IMMP2L: variants seen among roughly 807,000 people sequenced by gnomAD.
The protein encoded by IMMP2L is inner mitochondrial membrane peptidase subunit 2.
In IMMP2L, 18 loss-of-function variants were observed where a neutral mutation model predicts 19.3. The ratio of observed to expected loss-of-function variants is 0.93; its 90% CI spans 0.64 to 1.38. The LOEUF (loss-of-function observed/expected upper bound fraction) is 1.38, where lower values mean the gene tolerates loss of function less well. IMMP2L is among the 40% of genes most tolerant of loss of function. IMMP2L has a pLI of 0.00. For missense variants in IMMP2L, 233 were observed against 218.2 expected, an observed-to-expected ratio of 1.07 and a Z score of -0.43; for synonymous variants, 76 against 73.0, an observed-to-expected ratio of 1.04 and a Z score of -0.21.
chr7:111,382,424 AAG>A (rs1320053755), intron 3 of IMMP2L, among the ~76,000 whole-genome samples: 1 of 152,074 alleles, frequency 6.6e-6, no homozygotes, highest in African/African-American at 2.4e-5. Flanking sequence ...TCCCAATGGT[AAG>A]AACAAGCAGG....
chr7:110,995,521 T>A (rs1184882511), intron 3 of IMMP2L, among the ~76,000 whole-genome samples: 1 of 152,166 alleles, frequency 6.6e-6, no homozygotes, highest in African/African-American at 2.4e-5. Context: ...ATTATTTTTA[T>A]GGAGTTTGGT....
intron 1 of IMMP2L, among the ~76,000 whole-genome samples, chr7:111,529,755 C>T (rs1258668576): frequency 6.6e-6 from 1 of 152,082 alleles, no homozygotes; most frequent in Non-Finnish European, 1.5e-5. Flanking sequence ...ATAATTGTGA[C>T]TTTCTGTTGG....
intron 3 of IMMP2L, among the ~76,000 whole-genome samples, chr7:110,988,934 A>G (rs2129559239): frequency 6.6e-6 from 1 of 152,228 alleles, no homozygotes; most frequent in South Asian, 2.1e-4. Flanking sequence ...GTCTGGAAAG[A>G]TAGACATTAA....
chr7:111,315,354 A>G (rs1479759605), intron 3 of IMMP2L, among the ~76,000 whole-genome samples: 1 of 152,084 alleles, frequency 6.6e-6, no homozygotes, highest in African/African-American at 2.4e-5. Flanking sequence ...TACATATGGT[A>G]CTTATGATAC....
intron 5 of IMMP2L, among the ~76,000 whole-genome samples, chr7:110,793,048 G>A (rs898612285): frequency 6.6e-6 from 1 of 152,066 alleles, no homozygotes; most frequent in Non-Finnish European, 1.5e-5. Flanking sequence ...GAAACAGAGA[G>A]AAGAATGGTG....
At chr7:110,821,569 TATG>T (rs1358076786) in intron 5 of IMMP2L, among the ~76,000 whole-genome samples, 2 of 152,066 alleles carry the variant, frequency 1.3e-5, no homozygotes, top group Non-Finnish European at 2.9e-5. Flanking sequence ...CCTAGACATT[TATG>T]ATATGTCATA....
intron 3 of IMMP2L, among the ~76,000 whole-genome samples, chr7:111,420,857 C>T (rs1010734551): frequency 1.3e-5 from 2 of 151,760 alleles, no homozygotes; most frequent in South Asian, 2.1e-4. Context: ...AATAGTGCTG[C>T]AATAAACATA....
At chr7:111,130,755 C>T (rs955817613) in intron 3 of IMMP2L, among the ~76,000 whole-genome samples, 1 of 151,996 alleles carries the variant, frequency 6.6e-6, no homozygotes, top group African/African-American at 2.4e-5. Flanking sequence ...GCTAAACACA[C>T]CCAAATGGTC....
intron 3 of IMMP2L, among the ~76,000 whole-genome samples, chr7:111,429,079 GCTTT>G (rs1232462981): frequency 6.6e-6 from 1 of 151,834 alleles, no homozygotes; most frequent in African/African-American, 2.4e-5. Context: ...TGAATATGGT[GCTTT>G]CTATCAAATA....
At chr7:110,963,404 G>A (rs1819172818) in intron 4 of IMMP2L, 96 bp downstream of exon 4, 1 of 790,182 alleles carries the variant, frequency 1.3e-6, no homozygotes, top group Admixed American at 2.6e-5. Context: ...CCAAAACTTT[G>A]GCCCTCATGG....
intron 3 of IMMP2L, among the ~76,000 whole-genome samples, chr7:111,299,702 A>C (rs1462508545): frequency 4.6e-5 from 7 of 152,148 alleles, no homozygotes; most frequent in African/African-American, 1.7e-4. Flanking sequence ...CATAAGCAAC[A>C]TGCACACAAA....
intron 3 of IMMP2L, among the ~76,000 whole-genome samples, chr7:111,195,617 G>A (rs941954214): frequency 2.0e-5 from 3 of 151,840 alleles, no homozygotes; most frequent in Non-Finnish European, 2.9e-5. Flanking sequence ...GTCTAATTAC[G>A]GACTGAGTCT....
At chr7:110,701,496 C>G (rs1794286695) in intron 5 of IMMP2L, among the ~76,000 whole-genome samples, 1 of 152,046 alleles carries the variant, frequency 6.6e-6, no homozygotes, top group Non-Finnish European at 1.5e-5. Flanking sequence ...TCTCGGCTCA[C>G]TACAATCTCT....
chr7:111,350,872 C>G (rs1047763060), intron 3 of IMMP2L, among the ~76,000 whole-genome samples: 24 of 151,970 alleles, frequency 1.6e-4, no homozygotes, highest in African/African-American at 5.8e-4. Flanking sequence ...AGACCAAAAC[C>G]GTGAATACTG....
intron 5 of IMMP2L, 59 bp from the exon 6 acceptor site, chr7:110,663,780 T>C (rs752989871): frequency 4.3e-5 from 52 of 1,222,006 alleles, no homozygotes; most frequent in Non-Finnish European, 5.5e-5. Flanking sequence ...AGAATCATTA[T>C]TAATAGCTTG....
At chr7:111,389,397 G>T (rs1176602201) in intron 3 of IMMP2L, among the ~76,000 whole-genome samples, 1 of 152,058 alleles carries the variant, frequency 6.6e-6, no homozygotes, top group African/African-American at 2.4e-5. Context: ...GTAATAGACG[G>T]TAATATTGTA....
At chr7:110,999,761 C>T (rs1430080579) in intron 3 of IMMP2L, among the ~76,000 whole-genome samples, 1 of 152,058 alleles carries the variant, frequency 6.6e-6, no homozygotes, top group East Asian at 1.9e-4. Flanking sequence ...TTCATAGTTA[C>T]AAAAGGAGGG....
intron 3 of IMMP2L, among the ~76,000 whole-genome samples, chr7:110,980,227 CT>C (rs1218434499): frequency 6.4e-4 from 59 of 91,890 alleles, no homozygotes; most frequent in Middle Eastern, 8.6e-3. Flanking sequence ...TGTGCTGCTT[CT>C]TTTTTTTTTT....
At chr7:110,664,537 G>A (rs1339442099) in intron 5 of IMMP2L, among the ~76,000 whole-genome samples, 1 of 152,196 alleles carries the variant, frequency 6.6e-6, no homozygotes, top group East Asian at 1.9e-4. Context: ...CCAAAGACAG[G>A]AAGGGAGCCC....
Sources: allele counts gnomAD v4.1 joint callset (sites outside exome capture counted in the v4.1 genomes callset), GRCh38; gene constraint gnomAD v4.1.1; transcripts MANE v1.5; gene names NCBI Gene and HGNC (gene_info 2026-07-23, HGNC 2026-07-21).